The following MAST4 variants were observed in gnomAD, a reference collection of about 807,000 sequenced individuals.
MAST4 encodes the protein microtubule associated serine/threonine kinase family member 4.
Under a neutral mutation model 162.7 loss-of-function variants are expected in MAST4, and 89 were observed. The observed-to-expected ratio is 0.55, with a 90% CI of 0.46 to 0.65. The LOEUF (loss-of-function observed/expected upper bound fraction) is 0.65, where lower values mean the gene tolerates loss of function less well. Ranked by LOEUF, MAST4 falls within the 30% of genes least tolerant of loss-of-function variation. MAST4 has a pLI of 0.00. For missense variants in MAST4, 3,153 were observed against 3,374.0 expected (o/e 0.93, Z 1.62); for synonymous variants, 1,479 against 1,361.1 (o/e 1.09, Z -1.91).
intron 4 of MAST4, among the ~76,000 whole-genome samples, chr5:66,915,859 A>G (rs1222417777): frequency 6.6e-6 from 1 of 152,236 alleles, no homozygotes; most frequent in Non-Finnish European, 1.5e-5. Context: ...TTAATGGAAG[A>G]AGACGAAATT....
chr5:67,094,907 G>T (rs2150818492), intron 6 of MAST4, among the ~76,000 whole-genome samples: 1 of 152,280 alleles, frequency 6.6e-6, no homozygotes, highest in African/African-American at 2.4e-5. Flanking sequence ...GGTGGAGAAG[G>T]TTTCACTCTG....
rs563150644 is a variant in MAST4, at chr5:66,904,058, T to C, written c.674+4076T>C. Reference sequence around the variant, plus strand: ...TAATAACGAATTTGTACTGTCTGTATTTATGAAAGTGCCATTATTGTTGTG... The same window carrying C: ...TAATAACGAATTTGTACTGTCTGTACTTATGAAAGTGCCATTATTGTTGTG... On this transcript the variant is annotated intron_variant, in intron 4 of 28. Coordinates refer to ENST00000403625, the MANE Select transcript of MAST4 (RefSeq NM_001164664.2). Among the ~76,000 whole-genome samples the C allele has an allele frequency of 1.7e-3, 254 of 152,364 alleles. 2 individuals carry two copies. Among genetic ancestry groups the C allele is most frequent in the African/African-American group, 5.9e-3 (244 of 41,588 alleles).
At chr5:66,898,431 A>G (rs1250003500) in intron 3 of MAST4, among the ~76,000 whole-genome samples, 2 of 152,176 alleles carry the variant, frequency 1.3e-5, no homozygotes, top group Non-Finnish European at 2.9e-5. Flanking sequence ...AAAATTACTC[A>G]TTGGTTTTCT....
intron 4 of MAST4, among the ~76,000 whole-genome samples, chr5:66,964,537 C>T (rs1389613243): frequency 6.6e-6 from 1 of 152,222 alleles, no homozygotes; most frequent in Non-Finnish European, 1.5e-5. Context: ...CACGGTGGCT[C>T]ATGCCTGTAA....
intron 1 of MAST4, among the ~76,000 whole-genome samples, chr5:66,745,187 G>A (rs972648806): frequency 1.3e-5 from 2 of 152,184 alleles, no homozygotes; most frequent in African/African-American, 2.4e-5. Context: ...AGTCCCAGCT[G>A]TGGGCTTGCC....
At chr5:66,760,297 T>C (rs960128738) in intron 2 of MAST4, among the ~76,000 whole-genome samples, 3 of 151,610 alleles carry the variant, frequency 2.0e-5, no homozygotes, top group African/African-American at 7.3e-5. Flanking sequence ...TGTATTTTTA[T>C]TGGAGACGGG....
At chr5:67,020,949 A>G (rs1229788458) in intron 4 of MAST4, among the ~76,000 whole-genome samples, 2 of 152,228 alleles carry the variant, frequency 1.3e-5, no homozygotes, top group Non-Finnish European at 2.9e-5. Flanking sequence ...GACAGAGTCA[A>G]GTAGTTACCA....
intron 4 of MAST4, among the ~76,000 whole-genome samples, chr5:66,940,070 A>AAT (rs1277189324): frequency 2.6e-5 from 4 of 152,056 alleles, no homozygotes; most frequent in Non-Finnish European, 5.9e-5. Flanking sequence ...CTGTCTCATA[A>AAT]ATATATATGT....
intron 3 of MAST4, among the ~76,000 whole-genome samples, chr5:66,800,193 C>A (rs1263746693): frequency 6.6e-6 from 1 of 152,030 alleles, no homozygotes; most frequent in Non-Finnish European, 1.5e-5. Context: ...AGACATAAGG[C>A]TTGTTTGAAA....
At position 66,611,358 on chromosome 5, in the gene MAST4, C is replaced by T. The variant is rs184727351; in HGVS notation, c.363+14340C>T. ...AACTCAGACCCACAGAGTTTGTGGA[C>T]GGATGTCTGCATCATTTCAATGTTT... On this transcript the variant is annotated intron_variant, in intron 1 of 28. Transcript: ENST00000403625. 1.3e-3 allele frequency among the ~76,000 whole-genome samples: 194 copies of T among 152,322 alleles called. 1 individual carries two copies. The highest frequency in any genetic ancestry group is 3.7e-3 in the Admixed American group (57 of 15,300).
intron 4 of MAST4, among the ~76,000 whole-genome samples, chr5:66,902,986 A>G (rs537152813): frequency 3.4e-4 from 52 of 152,344 alleles, no homozygotes; most frequent in Middle Eastern, 3.4e-3. Flanking sequence ...AGGTAAAGTA[A>G]CCAAACCAGA....
intron 1 of MAST4, among the ~76,000 whole-genome samples, chr5:66,636,668 G>C (rs1341790854): frequency 6.6e-6 from 1 of 152,188 alleles, no homozygotes; most frequent in African/African-American, 2.4e-5. Flanking sequence ...CGAGATTGTA[G>C]TTAGCAATTG....
At chr5:66,788,851 A>G in intron 3 of MAST4, 57 bp downstream of exon 3, 1 of 1,463,578 alleles carries the variant, frequency 6.8e-7, no homozygotes. Flanking sequence ...CTCTAGGGAC[A>G]ATTTAAGTTA....
chr5:67,005,177 G>T, intron 4 of MAST4: 1 of 711,858 alleles, frequency 1.4e-6, no homozygotes, highest in Non-Finnish European at 2.6e-6. Flanking sequence ...AGGAGCTGGG[G>T]TTTTGTGTAT....
At chr5:66,979,174 T>C (rs970898431) in intron 4 of MAST4, among the ~76,000 whole-genome samples, 2 of 152,174 alleles carry the variant, frequency 1.3e-5, no homozygotes, top group African/African-American at 4.8e-5. Flanking sequence ...CTAAAAATGA[T>C]GGCACAGCAG....
chr5:66,748,808 C>A (rs1257580818), intron 1 of MAST4, among the ~76,000 whole-genome samples: 1 of 151,722 alleles, frequency 6.6e-6, no homozygotes. Context: ...CTTACAGTAT[C>A]ATTAAATGGA....
intron 19 of MAST4, among the ~76,000 whole-genome samples, chr5:67,139,311 G>C (rs140158513): frequency 6.6e-6 from 1 of 152,222 alleles, no homozygotes; most frequent in Non-Finnish European, 1.5e-5. Flanking sequence ...GATTAGAGAG[G>C]CTGAGAAAAA....
At chr5:66,986,904 G>A (rs1749572972) in intron 4 of MAST4, among the ~76,000 whole-genome samples, 1 of 151,978 alleles carries the variant, frequency 6.6e-6, no homozygotes, top group Non-Finnish European at 1.5e-5. Flanking sequence ...AAGCCACCAC[G>A]TCCAGCTAAA....
intron 1 of MAST4, among the ~76,000 whole-genome samples, chr5:66,701,594 A>G (rs1749779378): frequency 6.6e-6 from 1 of 152,232 alleles, no homozygotes; most frequent in African/African-American, 2.4e-5. Flanking sequence ...ATGCTTCTTT[A>G]GTGAAGTCTT....
Sources: allele counts gnomAD v4.1 joint callset (sites outside exome capture counted in the v4.1 genomes callset), GRCh38; gene constraint gnomAD v4.1.1; transcripts MANE v1.5; gene names NCBI Gene and HGNC (gene_info 2026-07-23, HGNC 2026-07-21).